Variants in PLA2G2C observed in about 807,000 individuals in gnomAD.
The protein encoded by PLA2G2C is phospholipase A2 group IIC.
Under a neutral mutation model 14.3 loss-of-function variants are expected in PLA2G2C, and 15 were observed. The observed-to-expected ratio is 1.05, with a 90% confidence interval of 0.70 to 1.62. The LOEUF (loss-of-function observed/expected upper bound fraction) is 1.62. Ranked by LOEUF, PLA2G2C falls within the 40% of genes most tolerant of loss-of-function variation. The pLI, the probability that PLA2G2C is intolerant of heterozygous loss-of-function variation, is 0.00. For missense variants in PLA2G2C, 162 were observed against 173.2 expected (o/e 0.94, Z 0.36); for synonymous variants, 79 against 67.7 (o/e 1.17, Z -0.82).
At chr1:20,170,519 C>T (rs895833550) in intron 4 of PLA2G2C, among the ~76,000 whole-genome samples, 2 of 152,152 alleles carry the variant, frequency 1.3e-5, no homozygotes, top group African/African-American at 2.4e-5. Context: ...AGTGGATGCT[C>T]GCTCAATACT....
At chr1:20,173,680 GAAAT>G (rs1386040900) in intron 3 of PLA2G2C, among the ~76,000 whole-genome samples, 1 of 152,250 alleles carries the variant, frequency 6.6e-6, no homozygotes, top group Non-Finnish European at 1.5e-5. Flanking sequence ...CACTGGAGGA[GAAAT>G]ACCATCTGGA....
At chr1:20,180,745 C>T (rs2018265670) in intron 1 of PLA2G2C, among the ~76,000 whole-genome samples, 1 of 152,226 alleles carries the variant, frequency 6.6e-6, no homozygotes, top group Non-Finnish European at 1.5e-5. Flanking sequence ...AGCAAGAGCA[C>T]AGGACCCGAG....
chr1:20,184,333 G>C (rs772046049), intron 1 of PLA2G2C: 1 of 152,196 alleles, frequency 6.6e-6, no homozygotes, highest in Non-Finnish European at 1.5e-5. Context: ...GGTGATGAAG[G>C]GCTGAAGAGC....
chr1:20,182,242 G>A (rs1007698180), intron 1 of PLA2G2C, among the ~76,000 whole-genome samples: 3 of 152,160 alleles, frequency 2.0e-5, no homozygotes, highest in Admixed American at 2.0e-4. Context: ...ATACGATGGT[G>A]GTCCCATAAG....
At chr1:20,178,957 G>C (rs2018232680) in intron 1 of PLA2G2C, among the ~76,000 whole-genome samples, 1 of 152,188 alleles carries the variant, frequency 6.6e-6, no homozygotes, top group South Asian at 2.1e-4. Flanking sequence ...TTCAGGGCTG[G>C]GGTACCAGCT....
intron 4 of PLA2G2C, among the ~76,000 whole-genome samples, chr1:20,171,755 C>T (rs1179363901): frequency 6.9e-6 from 1 of 144,256 alleles, no homozygotes; most frequent in Non-Finnish European, 1.5e-5. Context: ...GAAGCCACTT[C>T]TTCTTTTTTT....
At chr1:20,174,392 AC>A (rs779482401) in intron 3 of PLA2G2C, among the ~76,000 whole-genome samples, 5 of 151,698 alleles carry the variant, frequency 3.3e-5, no homozygotes, top group Non-Finnish European at 7.4e-5. Context: ...ACACTCCCCC[AC>A]CCCCATCCTT....
rs982342004 is a variant in PLA2G2C at position 20,166,535 on chromosome 1, A to T, written c.284-2378T>A. Among the ~76,000 whole-genome samples the T allele has an allele frequency of 4.6e-5, 7 of 152,126 alleles. No homozygotes were observed. The East Asian group carries it at 1.3e-3, about 29-fold the overall frequency. ...GAGCTCAGGCCCCCCAGCCAGCCTC[A>T]CTGTCCAACTAGAGGGCCTGGTCCA... On this transcript the variant is annotated intron_variant, in intron 4 of 4. Coordinates refer to ENST00000679259, the MANE Select transcript of PLA2G2C (RefSeq NM_001367969.2).
rs549134752 is a variant in PLA2G2C at position 20,182,986 on chromosome 1, G to A, written c.-77+3374C>T. Among the ~76,000 whole-genome samples, 16 of 151,740 alleles carry A rather than the reference G, an allele frequency of 1.1e-4. No individual in the cohort carries two copies. In the East Asian group the frequency reaches 2.7e-3, roughly 26 times the overall value. On this transcript the variant is annotated intron_variant, in intron 1 of 4. Coordinates refer to ENST00000679259, the MANE Select transcript of PLA2G2C (RefSeq NM_001367969.2). ...AGTGGAAACGCTAGCCTTGGAATCAGCACCACCATCATCATTGCCGAGCAC... is the reference window on the plus strand; with the variant it reads ...AGTGGAAACGCTAGCCTTGGAATCAACACCACCATCATCATTGCCGAGCAC...
rs559335412 is a variant in PLA2G2C at position 20,170,019 on chromosome 1, G to A, written c.283+2775C>T. 1.3e-4 allele frequency among the ~76,000 whole-genome samples: 20 copies of A among 152,314 alleles called. No individual in the cohort carries two copies. The East Asian group carries it at 3.3e-3, about 25-fold the overall frequency. On this transcript the variant is annotated intron_variant, in intron 4 of 4. Transcript: ENST00000679259. ...GAAGCTAGTGTGAGACAGGGCACCC[G>A]GGGTTTGAATTCCAACTCTTCTTTC...
intron 4 of PLA2G2C, among the ~76,000 whole-genome samples, chr1:20,169,902 G>A (rs78041716): frequency 1.3e-5 from 2 of 152,216 alleles, no homozygotes; most frequent in African/African-American, 4.8e-5. Context: ...CCCTGGGCCA[G>A]GGCAGAGCAT....
At chr1:20,185,889 G>A (rs1557791880) in intron 1 of PLA2G2C, among the ~76,000 whole-genome samples, 1 of 152,206 alleles carries the variant, frequency 6.6e-6, no homozygotes, top group Non-Finnish European at 1.5e-5. Flanking sequence ...GGAAGAGGAG[G>A]AGAGAAGGAG....
At chr1:20,179,687 CTG>C (rs906739513) in intron 1 of PLA2G2C, among the ~76,000 whole-genome samples, 6 of 144,318 alleles carry the variant, frequency 4.2e-5, no homozygotes, top group Admixed American at 4.1e-4. Flanking sequence ...CAGTTTCTCT[CTG>C]TGTGTGTCAG....
At chr1:20,171,145 G>A (rs1372170686) in intron 4 of PLA2G2C, among the ~76,000 whole-genome samples, 1 of 110,094 alleles carries the variant, frequency 9.1e-6, no homozygotes, top group Non-Finnish European at 1.9e-5. Flanking sequence ...GTGGGAAGAG[G>A]CCATGGGAAA....
At chr1:20,175,339 AC>A in intron 2 of PLA2G2C, 194 bp from the exon 3 acceptor site, 1 of 756,182 alleles carries the variant, frequency 1.3e-6, no homozygotes, top group Non-Finnish European at 2.1e-6. Context: ...TGCCCCTGTA[AC>A]ACAGCTAGTT....
intron 4 of PLA2G2C, among the ~76,000 whole-genome samples, chr1:20,168,424 TC>T (rs1217135407): frequency 2.6e-5 from 4 of 152,164 alleles, no homozygotes; most frequent in African/African-American, 9.7e-5. Context: ...ACCAGTGCCC[TC>T]AAACAAGACA....
Position 20,163,748 on chromosome 1 carries a change from C to T in PLA2G2C, c.*243G>A. 2.0e-6 allele frequency: 1 copy of T among 508,660 alleles called. No homozygotes were observed. The highest frequency in any genetic ancestry group is 2.6e-5 in the South Asian group (1 of 38,358). 31.5% of individuals were successfully genotyped at this position (508,660 alleles called of 1,614,324 possible). On this transcript the variant is annotated 3_prime_UTR_variant, in exon 5 of 5. Coordinates refer to ENST00000679259, the MANE Select transcript of PLA2G2C (RefSeq NM_001367969.2). ...TGCATTTGTAGTCCTCCCCACTCCA[C>T]AGAATGCCAGCTCCTGCAGGGCAGG...
At chr1:20,179,060 G>A (rs1462444689) in intron 1 of PLA2G2C, among the ~76,000 whole-genome samples, 1 of 152,264 alleles carries the variant, frequency 6.6e-6, no homozygotes, top group African/African-American at 2.4e-5. Flanking sequence ...ACAGGAGAAG[G>A]AGTCTCTAGC....
At chr1:20,183,293 G>C (rs1018083532) in intron 1 of PLA2G2C, among the ~76,000 whole-genome samples, 6 of 152,226 alleles carry the variant, frequency 3.9e-5, no homozygotes, top group African/African-American at 9.6e-5. Context: ...GGTGGAGCCA[G>C]GATTGATACT....
Sources: allele counts gnomAD v4.1 joint callset (sites outside exome capture counted in the v4.1 genomes callset), GRCh38; gene constraint gnomAD v4.1.1; transcripts MANE v1.5; gene names NCBI Gene and HGNC (gene_info 2026-07-23, HGNC 2026-07-21).